Variants in SPIN4 observed in about 807,000 individuals in gnomAD.
The protein encoded by SPIN4 is spindlin-4.
A neutral mutation model predicts 10.4 loss-of-function variants in SPIN4; 4 were observed. That is an observed-to-expected ratio of 0.38 (90% confidence interval 0.19 to 0.88). The LOEUF (loss-of-function observed/expected upper bound fraction) is 0.88, where lower values mean the gene tolerates loss of function less well. SPIN4 is among the 40% of genes least tolerant of loss of function. The probability of loss-of-function intolerance (pLI) is 0.40; values close to 1 mark genes in which losing one functional copy is unlikely to be tolerated. For synonymous variants in SPIN4, 71 were observed against 78.4 expected, an observed-to-expected ratio of 0.91 and a Z score of 0.50; for missense variants, 126 against 198.7, an observed-to-expected ratio of 0.63 and a Z score of 2.20.
rs1932990216 is a variant in SPIN4 at position 63,351,001 on chromosome X, T to C, written c.-182A>G. The C allele has an allele frequency of 4.0e-6, 2 of 500,687 alleles. No homozygotes were observed. The highest frequency in any genetic ancestry group is 4.3e-5 in the South Asian group (1 of 23,144). The allele number at this position is 500,687 out of a possible 1,213,427, so 41.3% of individuals were successfully genotyped here. A position where few individuals can be genotyped will look rare whatever the true frequency, so the allele number is the denominator to read the frequency against. On this transcript the variant is annotated 5_prime_UTR_variant, in exon 1 of 1. Transcript: ENST00000374884. ...GGCAGAAACGCTCGAACTCTAACCGTGAGCACTGGGACAGCGTGTGCCTCT... is the reference window on the plus strand; with the variant it reads ...GGCAGAAACGCTCGAACTCTAACCGCGAGCACTGGGACAGCGTGTGCCTCT...
At position 63,348,576 on chromosome X, in the gene SPIN4, GA is replaced by G. The variant is rs1556016300; in HGVS notation, c.*1493del. 9.2e-6 allele frequency: 1 copy of G among 108,303 alleles called. No homozygotes were observed. Among genetic ancestry groups the G allele is most frequent in the Non-Finnish European group, 1.9e-5 (1 of 52,102 alleles). 8.9% of individuals were successfully genotyped at this position (108,303 alleles called of 1,213,427 possible). On this transcript the variant is annotated 3_prime_UTR_variant, in exon 1 of 1. Transcript: ENST00000374884. ...AATTCTGCATTTCATTTTTTCACAT[GA>G]AAAAATGAATGTCTAGGACATATTA...
At position 63,350,094 on chromosome X, in the gene SPIN4, G is replaced by A. The variant is rs782820716; in HGVS notation, c.726C>T (p.Val242=). Residue 242 remains valine (V), a synonymous_variant, in exon 1 of 1, where the codon GTC becomes GTT. Coordinates refer to ENST00000374884, the MANE Select transcript of SPIN4 (RefSeq NM_001012968.3). ...TTTAAGGAGTTTTCACCAAACCATA[G>A]ACATAAATGTGAATATCATCATCAA... ...IKFDDDIHIY[V]YGLVKTP 19 of 1,202,772 alleles carry A rather than the reference G, an allele frequency of 1.6e-5. No homozygotes were observed. Among genetic ancestry groups the A allele is most frequent in the Middle Eastern group, 2.3e-4 (1 of 4,325 alleles).
rs1932966968 is a variant in SPIN4, at chrX:63,348,993, C to A, written c.*1077G>T. ...AAGGAAAATATATCATCAATAAAGTCAAGATGAAAACGTCATAACACATTA... is the reference window on the plus strand; with the variant it reads ...AAGGAAAATATATCATCAATAAAGTAAAGATGAAAACGTCATAACACATTA... On this transcript the variant is annotated 3_prime_UTR_variant, in exon 1 of 1. Transcript: ENST00000374884. 1.8e-5 allele frequency: 2 copies of A among 111,594 alleles called. No homozygotes were observed. Among genetic ancestry groups the A allele is most frequent in the South Asian group, 7.4e-4 (2 of 2,691 alleles). 9.2% of individuals were successfully genotyped at this position (111,594 alleles called of 1,213,427 possible).
chrX:63,350,051 T>C lies in SPIN4; in HGVS notation c.*19A>G. The C allele has an allele frequency of 8.5e-7, 1 of 1,181,702 alleles. No individual in the cohort carries two copies. The highest frequency in any genetic ancestry group is 1.8e-5 in the African/African-American group (1 of 56,956). On this transcript the variant is annotated 3_prime_UTR_variant, in exon 1 of 1. Coordinates refer to ENST00000374884, the MANE Select transcript of SPIN4 (RefSeq NM_001012968.3). Reference sequence around the variant, plus strand: ...TCACATCTAACAGATCCACAACTTCTCTAAAGAGCACAAAGAATTTAAGGA... The same window carrying C: ...TCACATCTAACAGATCCACAACTTCCCTAAAGAGCACAAAGAATTTAAGGA...
rs782750711 is a variant in SPIN4, at chrX:63,347,555, TCCAGACCACAGGAAAAAAA to T, written c.*2496_*2514del. 2.7e-5 allele frequency: 3 copies of T among 111,961 alleles called. No individual in the cohort carries two copies. The highest frequency in any genetic ancestry group is 5.7e-5 in the Non-Finnish European group (3 of 53,055). The allele number at this position is 111,961 out of a possible 1,213,427, so 9.2% of individuals were successfully genotyped here. On this transcript the variant is annotated 3_prime_UTR_variant, in exon 1 of 1. Transcript: ENST00000374884. ...ATAATTCTAATGCTATTTAAATTATTCCAGACCACAGGAAAAAAATTGAAAACTCACATATTCATATTTT... is the reference window on the plus strand; with the variant it reads ...ATAATTCTAATGCTATTTAAATTATTTTGAAAACTCACATATTCATATTTT...
rs1932991338 is a variant in SPIN4 at position 63,351,098 on chromosome X, C to T, written c.-279G>A. 4 of 295,154 alleles carry T rather than the reference C, an allele frequency of 1.4e-5. No individual in the cohort carries two copies. The highest frequency in any genetic ancestry group is 2.5e-5 in the Non-Finnish European group (4 of 162,160). The allele number at this position is 295,154 out of a possible 1,213,427, so 24.3% of individuals were successfully genotyped here. ...GCGGCTGACGTAGAGATGGCGGGCTCGCGAGTGCTGTTCGTGCCTTGCGTC... is the reference window on the plus strand; with the variant it reads ...GCGGCTGACGTAGAGATGGCGGGCTTGCGAGTGCTGTTCGTGCCTTGCGTC... On this transcript the variant is annotated 5_prime_UTR_variant, in exon 1 of 1. Transcript: ENST00000374884.
rs1556016271 is a variant in SPIN4, at chrX:63,348,325, C to G, written c.*1745G>C. The G allele has an allele frequency of 9.1e-6, 1 of 110,288 alleles. No individual in the cohort carries two copies. Among genetic ancestry groups the G allele is most frequent in the Non-Finnish European group, 1.9e-5 (1 of 52,576 alleles). The allele number at this position is 110,288 out of a possible 1,213,427, so 9.1% of individuals were successfully genotyped here. On this transcript the variant is annotated 3_prime_UTR_variant, in exon 1 of 1. Coordinates refer to ENST00000374884, the MANE Select transcript of SPIN4 (RefSeq NM_001012968.3). ...TAATTACAAATGAGAAGAAAAAAAC[C>G]AATTCACAATGTCAAAATATGAAAT...
In SPIN4 at chrX:63,347,936, G is replaced by A. The variant is rs1337412355; in HGVS notation, c.*2134C>T. ...ATAACACTATAAAACAGGAATAGCG[G>A]AAACTCTTAAACATGTTAATGACTA... On this transcript the variant is annotated 3_prime_UTR_variant, in exon 1 of 1. Coordinates refer to ENST00000374884, the MANE Select transcript of SPIN4 (RefSeq NM_001012968.3). The A allele has an allele frequency of 1.8e-5, 2 of 111,182 alleles. No homozygotes were observed. Among genetic ancestry groups the A allele is most frequent in the Admixed American group, 9.5e-5 (1 of 10,485 alleles). The allele number at this position is 111,182 out of a possible 1,213,427, so 9.2% of individuals were successfully genotyped here. A position where few individuals can be genotyped will look rare whatever the true frequency, so the allele number is the denominator to read the frequency against.
Position 63,349,165 on chromosome X carries a change from C to T in SPIN4, c.*905G>A, listed in dbSNP as rs1223048874. The T allele has an allele frequency of 9.0e-6, 1 of 111,432 alleles. No individual in the cohort carries two copies. Among genetic ancestry groups the T allele is most frequent in the African/African-American group, 3.3e-5 (1 of 30,625 alleles). 9.2% of individuals were successfully genotyped at this position (111,432 alleles called of 1,213,427 possible). A position where few individuals can be genotyped will look rare whatever the true frequency, so the allele number is the denominator to read the frequency against. ...AACAAGGACAGCAACAACAACAAAC[C>T]TCTTTGAACTCAGACAAAAGGCAAT... On this transcript the variant is annotated 3_prime_UTR_variant, in exon 1 of 1. Coordinates refer to ENST00000374884, the MANE Select transcript of SPIN4 (RefSeq NM_001012968.3).
chrX:63,350,805 G>C lies in SPIN4; in HGVS notation c.15C>G (p.Thr5=), dbSNP rs200073797. Residue 5 remains threonine, a synonymous_variant, in exon 1 of 1, where the codon ACC becomes ACG. Coordinates refer to ENST00000374884, the MANE Select transcript of SPIN4 (RefSeq NM_001012968.3). Reference sequence around the variant, plus strand: ...CGCCATCTACCCCCATCGGAGGCACGGTTGGAGGAGACATAGCTCAGGGAT... The same window carrying C: ...CGCCATCTACCCCCATCGGAGGCACCGTTGGAGGAGACATAGCTCAGGGAT... MSPP[T]VPPMGVDGVS... is the part of the protein sequence containing the mutation. 14 of 1,196,553 alleles carry C rather than the reference G, an allele frequency of 1.2e-5. No homozygotes were observed. In the Admixed American group the frequency reaches 2.9e-4, roughly 25 times the overall value.
At position 63,350,554 on chromosome X, in the gene SPIN4, A is replaced by G; in HGVS notation, c.266T>C (p.Leu89Pro). ...CGCTAAAACTCTCTTATCGCGGTGC[A>G]GTTCTAGTCCATACACACTATCTTT... ...DGKDSVYGLE[L>P]HRDKRVLALE... Residue 89 changes from leucine to proline, a missense_variant, in exon 1 of 1, where the codon CTG (leucine) becomes CCG (proline). By Grantham distance (98) the Leu-to-Pro change is moderately conservative. Coordinates refer to ENST00000374884, the MANE Select transcript of SPIN4 (RefSeq NM_001012968.3). The G allele has an allele frequency of 8.3e-7, 1 of 1,210,218 alleles. No homozygotes were observed. Among genetic ancestry groups the G allele is most frequent in the African/African-American group, 1.7e-5 (1 of 57,764 alleles).
In SPIN4 at chrX:63,351,237, G is replaced by T; in HGVS notation, c.-418C>A. 7.2e-6 allele frequency: 1 copy of T among 139,682 alleles called. No individual in the cohort carries two copies. 11.5% of individuals were successfully genotyped at this position (139,682 alleles called of 1,213,427 possible). ...CGGGGACGAAAGGCAAGGAGTAAGAGGGATGGCTGCAGCGGCAAAGGCGCA... is the reference window on the plus strand; with the variant it reads ...CGGGGACGAAAGGCAAGGAGTAAGATGGATGGCTGCAGCGGCAAAGGCGCA... On this transcript the variant is annotated 5_prime_UTR_variant, in exon 1 of 1. Transcript: ENST00000374884.
In SPIN4 at chrX:63,348,484, G is replaced by A. The variant is rs1932959576; in HGVS notation, c.*1586C>T. The A allele has an allele frequency of 1.8e-5, 2 of 110,551 alleles. No homozygotes were observed. Among genetic ancestry groups the A allele is most frequent in the African/African-American group, 6.6e-5 (2 of 30,512 alleles). 9.1% of individuals were successfully genotyped at this position (110,551 alleles called of 1,213,427 possible). A position where few individuals can be genotyped will look rare whatever the true frequency, so the allele number is the denominator to read the frequency against. The stretch of plus-strand genomic sequence containing the variant: ...AGTGCTAAGATTTAATATTATTAAA[G>A]AGCCCTCTAAACAAAAATGCAGGAT... On this transcript the variant is annotated 3_prime_UTR_variant, in exon 1 of 1. Transcript: ENST00000374884.
chrX:63,350,393 C>A lies in SPIN4; in HGVS notation c.427G>T (p.Ala143Ser). Residue 143 changes from alanine (A) to serine (S), a missense_variant, in exon 1 of 1, where the codon GCG becomes TCG. Transcript: ENST00000374884. ...TKDEWKGMVL[A>S]RAPVMDTWFY... is the part of the protein sequence containing the mutation. ...CAAGTATCCATCACAGGAGCTCGCG[C>A]CAGGACCATACCCTTCCATTCATCC... The A allele has an allele frequency of 8.3e-7, 1 of 1,211,608 alleles. No homozygotes were observed. Among genetic ancestry groups the A allele is most frequent in the Non-Finnish European group, 1.1e-6 (1 of 895,523 alleles).
chrX:63,350,633 C>G lies in SPIN4; in HGVS notation c.187G>C (p.Val63Leu). Residue 63 changes from valine to leucine, a missense_variant, in exon 1 of 1, where the codon GTG (valine) becomes CTG (leucine). Val to Leu is a conservative substitution (Grantham distance 32). Coordinates refer to ENST00000374884, the MANE Select transcript of SPIN4 (RefSeq NM_001012968.3). ...NEPVEQWKGT[V>L]LEQVSVKPTL... ...GGCTTCACGGAAACCTGCTCGAGCA[C>G]AGTACCCTTCCACTGCTCCACTGGC... 1.7e-6 allele frequency: 2 copies of G among 1,210,898 alleles called. No individual in the cohort carries two copies. The highest frequency in any genetic ancestry group is 2.2e-6 in the Non-Finnish European group (2 of 894,945).
At position 63,350,053 on chromosome X, in the gene SPIN4, T is replaced by C; in HGVS notation, c.*17A>G. 15 of 1,183,486 alleles carry C rather than the reference T, an allele frequency of 1.3e-5. No homozygotes were observed. The highest frequency in any genetic ancestry group is 1.7e-5 in the Non-Finnish European group (15 of 878,801). ...ACATCTAACAGATCCACAACTTCTCTAAAGAGCACAAAGAATTTAAGGAGT... is the reference window on the plus strand; with the variant it reads ...ACATCTAACAGATCCACAACTTCTCCAAAGAGCACAAAGAATTTAAGGAGT... On this transcript the variant is annotated 3_prime_UTR_variant, in exon 1 of 1. Coordinates refer to ENST00000374884, the MANE Select transcript of SPIN4 (RefSeq NM_001012968.3).
rs1556016496 is a variant in SPIN4, at chrX:63,350,255, C to T, written c.565G>A (p.Ala189Thr). The change falls in exon 1 of 1, where the codon GCA becomes ACA. Residue 189 changes from alanine (A) to threonine (T), a missense_variant. Coordinates refer to ENST00000374884, the MANE Select transcript of SPIN4 (RefSeq NM_001012968.3). ...ACCACCTCTCCAGGCTCCTGTTCTGCTGTAGGGAAATAGTAGTTGGAATCT... is the reference window on the plus strand; with the variant it reads ...ACCACCTCTCCAGGCTCCTGTTCTGTTGTAGGGAAATAGTAGTTGGAATCT... ...IPDSNYYFPT[A>T]EQEPGEVVDS... 1 of 1,211,344 alleles carries T rather than the reference C, an allele frequency of 8.3e-7. No individual in the cohort carries two copies. Among genetic ancestry groups the T allele is most frequent in the Admixed American group, 2.2e-5 (1 of 45,990 alleles).
At position 63,350,881 on chromosome X, in the gene SPIN4, G is replaced by C. The variant is rs1378713474; in HGVS notation, c.-62C>G. 34 of 1,129,126 alleles carry C rather than the reference G, an allele frequency of 3.0e-5. No homozygotes were observed. Among genetic ancestry groups the C allele is most frequent in the Non-Finnish European group, 3.9e-5 (33 of 847,960 alleles). 93.1% of individuals were successfully genotyped at this position (1,129,126 alleles called of 1,213,427 possible). On this transcript the variant is annotated 5_prime_UTR_variant, in exon 1 of 1. Coordinates refer to ENST00000374884, the MANE Select transcript of SPIN4 (RefSeq NM_001012968.3). ...CCCTGGTCGATTAAACTGACAAAAA[G>C]TCAACACTATGCAATATGATATATA...
rs781791037 is a variant in SPIN4 at position 63,348,198 on chromosome X, A to G, written c.*1872T>C. 9.0e-6 allele frequency: 1 copy of G among 111,393 alleles called. No individual in the cohort carries two copies. Among genetic ancestry groups the G allele is most frequent in the Non-Finnish European group, 1.9e-5 (1 of 52,905 alleles). The allele number at this position is 111,393 out of a possible 1,213,427, so 9.2% of individuals were successfully genotyped here. ...TCATATCTAGAAAACCCAAAATATT[A>G]TATTCTTAAAAATCTACTGTAATTT... On this transcript the variant is annotated 3_prime_UTR_variant, in exon 1 of 1. Transcript: ENST00000374884.
Sources: allele counts gnomAD v4.1 joint callset, GRCh38; gene constraint gnomAD v4.1.1; transcripts MANE v1.5; gene names NCBI Gene and HGNC (gene_info 2026-07-23, HGNC 2026-07-21).